The following GPM6A variants were observed in gnomAD, a reference collection of about 807,000 sequenced individuals.
The protein encoded by GPM6A is neuronal membrane glycoprotein M6-a.
Under a neutral mutation model 32.1 loss-of-function variants are expected in GPM6A, and 7 were observed. That is an observed-to-expected ratio of 0.22 (90% CI 0.12 to 0.41). GPM6A has a LOEUF of 0.41. Ranked by LOEUF, GPM6A falls within the 10% of genes least tolerant of loss-of-function variation. GPM6A has a pLI of 1.00. For missense variants in GPM6A, 235 were observed against 347.2 expected (o/e 0.68, Z 2.57); for synonymous variants, 130 against 123.4 (o/e 1.05, Z -0.35).
At chr4:175,994,861 G>A (rs369862860) in intron 1 of GPM6A, among the ~76,000 whole-genome samples, 45 of 152,220 alleles carry the variant, frequency 3.0e-4, no homozygotes, top group South Asian at 2.9e-3. Context: ...AAATCCTACC[G>A]CTGCTTTATC....
intron 1 of GPM6A, among the ~76,000 whole-genome samples, chr4:175,827,646 C>T (rs559430817): frequency 7.4e-4 from 112 of 152,260 alleles, no homozygotes; most frequent in African/African-American, 2.3e-3. Flanking sequence ...CACAAGCCTT[C>T]GGGCCATTCT....
At chr4:175,965,598 GA>G (rs1365036014) in intron 1 of GPM6A, among the ~76,000 whole-genome samples, 2 of 150,764 alleles carry the variant, frequency 1.3e-5, no homozygotes, top group Non-Finnish European at 2.9e-5. Context: ...AGAAATGAAA[GA>G]GGGACTATTT....
chr4:175,824,109 A>G (rs984008672), intron 1 of GPM6A, among the ~76,000 whole-genome samples: 2 of 152,202 alleles, frequency 1.3e-5, no homozygotes, highest in African/African-American at 4.8e-5. Flanking sequence ...GGTGTTCCAG[A>G]AACACCCGGA....
chr4:175,715,934 A>G (rs565833538), intron 1 of GPM6A, among the ~76,000 whole-genome samples: 24 of 152,226 alleles, frequency 1.6e-4, no homozygotes, highest in Admixed American at 1.2e-3. Context: ...GTGTGGTGGC[A>G]CATGCCTGTA....
intron 2 of GPM6A, among the ~76,000 whole-genome samples, chr4:175,685,013 G>A (rs1743898780): frequency 6.6e-6 from 1 of 151,826 alleles, no homozygotes; most frequent in South Asian, 2.1e-4. Flanking sequence ...TCAGCCTCCC[G>A]AGTAGCTGGG....
intron 1 of GPM6A, among the ~76,000 whole-genome samples, chr4:175,756,961 A>C (rs1047688323): frequency 6.6e-6 from 1 of 152,080 alleles, no homozygotes; most frequent in Non-Finnish European, 1.5e-5. Flanking sequence ...AATATGGGGC[A>C]ATGGGTGGGT....
chr4:175,999,335 C>T (rs1465313927), intron 1 of GPM6A, among the ~76,000 whole-genome samples: 1 of 152,132 alleles, frequency 6.6e-6, no homozygotes, highest in African/African-American at 2.4e-5. Context: ...AATGTAAATA[C>T]TCTTAGCAAT....
intron 1 of GPM6A, among the ~76,000 whole-genome samples, chr4:175,903,738 C>G (rs777236681): frequency 1.7e-4 from 26 of 152,020 alleles, no homozygotes; most frequent in Non-Finnish European, 3.7e-4. Flanking sequence ...TTTTTTAAAT[C>G]TCAAGATTAA....
chr4:175,783,039 GT>G (rs1406300864), intron 1 of GPM6A, among the ~76,000 whole-genome samples: 3 of 151,888 alleles, frequency 2.0e-5, no homozygotes, highest in Non-Finnish European at 4.4e-5. Flanking sequence ...TTTTCAAAAT[GT>G]TCTAGTTTAA....
At chr4:175,824,157 A>G (rs1464909963) in intron 1 of GPM6A, among the ~76,000 whole-genome samples, 2 of 152,182 alleles carry the variant, frequency 1.3e-5, no homozygotes, top group Non-Finnish European at 2.9e-5. Context: ...GCCCTGACAT[A>G]TGGTCTCTTT....
intron 1 of GPM6A, among the ~76,000 whole-genome samples, chr4:175,734,242 A>G (rs186593415): frequency 6.6e-6 from 1 of 151,930 alleles, no homozygotes; most frequent in Admixed American, 6.6e-5. Flanking sequence ...AAAGGTTCAG[A>G]ACCAGGTTCT....
rs34516159 is a variant in GPM6A, at chr4:175,636,260, GTATATATATATATATATATATATATA to G, written c.685-1229_685-1204del. On this transcript the variant is annotated intron_variant, in intron 6 of 6. Coordinates refer to ENST00000393658, the MANE Select transcript of GPM6A (RefSeq NM_201591.3). ...TTTACATAGTGAAAGCATAATCACT[GTATATATATATATATATATATATATA>G]TATATATATATACATATATATATGG... Among the ~76,000 whole-genome samples, 249 of 101,320 alleles carry G rather than the reference GTATATATATATATATATATATATATA, an allele frequency of 2.5e-3. 2 individuals are homozygous for G. The East Asian group carries it at 0.033, about 13-fold the overall frequency. 66.5% of individuals were successfully genotyped at this position (101,320 alleles called of 152,430 possible). A position where few individuals can be genotyped will look rare whatever the true frequency, so the allele number is the denominator to read the frequency against.
intron 1 of GPM6A, among the ~76,000 whole-genome samples, chr4:175,802,064 A>C (rs1208341225): frequency 6.6e-6 from 1 of 152,072 alleles, no homozygotes; most frequent in African/African-American, 2.4e-5. Flanking sequence ...TGTTGTAGAG[A>C]TCAATCATGG....
chr4:175,679,257 C>T (rs1477837131), intron 2 of GPM6A, among the ~76,000 whole-genome samples: 1 of 151,978 alleles, frequency 6.6e-6, no homozygotes, highest in Non-Finnish European at 1.5e-5. Context: ...ACGGAATGTT[C>T]CTTTTGAGTT....
intron 1 of GPM6A, among the ~76,000 whole-genome samples, chr4:175,778,737 C>T (rs1232248813): frequency 6.7e-6 from 1 of 149,474 alleles, no homozygotes; most frequent in Admixed American, 6.7e-5. Flanking sequence ...AATTTTTCTA[C>T]TGCCTATGAC....
At chr4:175,991,562 A>G (rs531005557) in intron 1 of GPM6A, among the ~76,000 whole-genome samples, 48 of 152,286 alleles carry the variant, frequency 3.2e-4, no homozygotes, top group Middle Eastern at 3.4e-3. Context: ...TTGCACTTCA[A>G]ATCTAGATGG....
chr4:175,722,585 T>G (rs192114243), intron 1 of GPM6A, among the ~76,000 whole-genome samples: 65 of 152,152 alleles, frequency 4.3e-4, no homozygotes, highest in African/African-American at 1.4e-3. Flanking sequence ...GTGTCCATAA[T>G]TTACTTTTAC....
At position 175,923,145 on chromosome 4, in the gene GPM6A, A is replaced by G. The variant is rs10005690; in HGVS notation, c.-23+79164T>C. 5.6e-3 allele frequency among the ~76,000 whole-genome samples: 849 copies of G among 151,026 alleles called. 13 individuals are homozygous for G. The highest frequency in any genetic ancestry group is 0.02 in the African/African-American group (813 of 41,228). On this transcript the variant is annotated intron_variant, in intron 1 of 7. Transcript: ENST00000280187. ...ATAAATGCTGAATCTTTGCTAAGGT[A>G]TAGGTTAAACAGTTATTACAAACTT...
At chr4:175,992,060 GCACACACA>G (rs1554007513) in intron 1 of GPM6A, among the ~76,000 whole-genome samples, 2 of 137,058 alleles carry the variant, frequency 1.5e-5, no homozygotes, top group South Asian at 2.7e-4. Flanking sequence ...AAACACACAT[GCACACACA>G]CACACACACA....
Sources: allele counts gnomAD v4.1 joint callset (sites outside exome capture counted in the v4.1 genomes callset), GRCh38; gene constraint gnomAD v4.1.1; transcripts MANE v1.5; gene names NCBI Gene and HGNC (gene_info 2026-07-23, HGNC 2026-07-21).